LRRC4C: variants seen among roughly 807,000 people sequenced by gnomAD.
LRRC4C encodes the protein leucine-rich repeat-containing protein 4C.
LRRC4C carries 5 observed loss-of-function variants against 33.6 expected under a neutral mutation model. That is an observed-to-expected ratio of 0.15 (90% CI 0.08 to 0.31). The LOEUF is 0.31. LRRC4C is among the 10% of genes least tolerant of loss of function. The probability of loss-of-function intolerance (pLI) is 1.00; values close to 1 mark genes in which losing one functional copy is unlikely to be tolerated. For synonymous variants in LRRC4C, 329 were observed against 302.0 expected (o/e 1.09, Z -0.93); for missense variants, 560 against 796.7 (o/e 0.70, Z 3.58).
chr11:41,331,408 C>A (rs1285223638), intron 1 of LRRC4C, among the ~76,000 whole-genome samples: 4 of 152,100 alleles, frequency 2.6e-5, no homozygotes, highest in African/African-American at 9.7e-5. Context: ...ACAAAGAAAC[C>A]TAACCAATAC....
chr11:41,332,286 A>G (rs1320844744), intron 1 of LRRC4C, among the ~76,000 whole-genome samples: 1 of 152,266 alleles, frequency 6.6e-6, no homozygotes, highest in Admixed American at 6.5e-5. Context: ...AGCACAAACT[A>G]GAGTTCATGT....
chr11:40,579,033 G>A lies in LRRC4C; in HGVS notation c.-270+69109C>T, dbSNP rs550247977. ...GACTTTGTTAAGCCAGAATGAATCA[G>A]GTAATAGAAAGTACAATAAGTCGGC... On this transcript the variant is annotated intron_variant, in intron 3 of 6. Transcript: ENST00000528697. Among the ~76,000 whole-genome samples, 128 of 152,284 alleles carry A rather than the reference G, an allele frequency of 8.4e-4. 4 individuals carry two copies. The South Asian group carries it at 0.025, about 30-fold the overall frequency.
chr11:41,445,865 CATGTGTGTGTGT>C (rs1221657943), intron 1 of LRRC4C, among the ~76,000 whole-genome samples: 2 of 135,450 alleles, frequency 1.5e-5, no homozygotes, highest in African/African-American at 5.5e-5. Flanking sequence ...TGAGTGACTG[CATGTGTGTGTGT>C]GTGTGTGTGT....
At chr11:41,169,326 A>T (rs966017) in intron 1 of LRRC4C, among the ~76,000 whole-genome samples, 1 of 152,110 alleles carries the variant, frequency 6.6e-6, no homozygotes, top group East Asian at 1.9e-4. Flanking sequence ...TTTCTTCAAA[A>T]AATATTTCAT....
chr11:40,421,317 T>A (rs1243278902), intron 3 of LRRC4C, among the ~76,000 whole-genome samples: 1 of 152,226 alleles, frequency 6.6e-6, no homozygotes, highest in African/African-American at 2.4e-5. Flanking sequence ...AGGGAACGTT[T>A]TGCCTTTGGG....
intron 1 of LRRC4C, among the ~76,000 whole-genome samples, chr11:41,154,723 A>G (rs1464103857): frequency 6.6e-6 from 1 of 152,192 alleles, no homozygotes; most frequent in Non-Finnish European, 1.5e-5. Flanking sequence ...GACAGCCATT[A>G]TCATCCTAAG....
intron 4 of LRRC4C, among the ~76,000 whole-genome samples, chr11:40,310,531 T>C (rs1018905275): frequency 2.6e-5 from 4 of 152,124 alleles, no homozygotes; most frequent in African/African-American, 7.2e-5. Flanking sequence ...AATCGGCACA[T>C]GCATGATTTG....
intron 3 of LRRC4C, among the ~76,000 whole-genome samples, chr11:40,338,595 G>A (rs1946733077): frequency 6.6e-6 from 1 of 152,090 alleles, no homozygotes; most frequent in Admixed American, 6.6e-5. Context: ...TGAATATGAG[G>A]TCTATCTTGT....
intron 6 of LRRC4C, among the ~76,000 whole-genome samples, chr11:40,122,978 CACACACACAT>C (rs1402470582): frequency 2.9e-4 from 41 of 142,452 alleles, no homozygotes; most frequent in East Asian, 1.8e-3. Context: ...CACACACACA[CACACACACAT>C]ATATACTATT....
At position 40,419,741 on chromosome 11, in the gene LRRC4C, A is replaced by G. The variant is rs151097104; in HGVS notation, c.-269-100020T>C. Reference sequence around the variant, plus strand: ...GGAATAAATGGTTAAAAAAATTGATAGGCTCCACCAAAAGGCTGTACCTAA... The same window carrying G: ...GGAATAAATGGTTAAAAAAATTGATGGGCTCCACCAAAAGGCTGTACCTAA... On this transcript the variant is annotated intron_variant, in intron 3 of 6. Coordinates refer to ENST00000528697, the MANE Select transcript of LRRC4C (RefSeq NM_001258419.2). 9.8e-5 allele frequency among the ~76,000 whole-genome samples: 15 copies of G among 152,302 alleles called. No homozygotes were observed. The East Asian group carries it at 2.9e-3, about 29-fold the overall frequency.
intron 1 of LRRC4C, among the ~76,000 whole-genome samples, chr11:41,051,827 G>A (rs1858252396): frequency 1.3e-5 from 2 of 151,906 alleles, no homozygotes; most frequent in African/African-American, 2.4e-5. Context: ...TTCATCTTAG[G>A]CCAATAGCAC....
chr11:40,510,627 C>T (rs1030018912), intron 3 of LRRC4C, among the ~76,000 whole-genome samples: 8 of 152,050 alleles, frequency 5.3e-5, no homozygotes, highest in Non-Finnish European at 8.8e-5. Context: ...TGCCTCTATC[C>T]GCAGCAAAAT....
At chr11:40,638,253 T>A (rs1293296859) in intron 3 of LRRC4C, among the ~76,000 whole-genome samples, 2 of 152,314 alleles carry the variant, frequency 1.3e-5, no homozygotes, top group South Asian at 4.1e-4. Context: ...GGGTTGATAT[T>A]TATATTTGTG....
chr11:41,154,430 G>T (rs562391635), intron 1 of LRRC4C, among the ~76,000 whole-genome samples: 1 of 151,682 alleles, frequency 6.6e-6, no homozygotes, highest in South Asian at 2.1e-4. Flanking sequence ...CATTGCTTAC[G>T]GAAAAGACCA....
chr11:41,344,548 T>A lies in LRRC4C; in HGVS notation c.-496+114883A>T, dbSNP rs534605163. 2.6e-5 allele frequency among the ~76,000 whole-genome samples: 4 copies of A among 151,416 alleles called. No homozygotes were observed. The South Asian group carries it at 8.4e-4, about 32-fold the overall frequency. On this transcript the variant is annotated intron_variant, in intron 1 of 6. Transcript: ENST00000528697. Reference sequence around the variant, plus strand: ...GCCTTTCTATCTTAACTCATCAATGTGTTTCCATTATTTTCCATTTTTATA... The same window carrying A: ...GCCTTTCTATCTTAACTCATCAATGAGTTTCCATTATTTTCCATTTTTATA...
At chr11:40,671,646 A>AGTGTGTGTGT (rs145275244) in intron 2 of LRRC4C, among the ~76,000 whole-genome samples, 6,444 of 140,466 alleles carry the variant, frequency 0.046, 219 homozygotes, top group Non-Finnish European at 0.062. Context: ...GTCCTTATTC[A>AGTGTGTGTGT]GTGTGTGTGT....
rs578136785 is a variant in LRRC4C at position 41,337,247 on chromosome 11, T to C, written c.-496+122184A>G. ...AAAATTAAGAGATAGGATCTTGCTA[T>C]GTTGTCCAGGCTGGTCTTGAACTCC... On this transcript the variant is annotated intron_variant, in intron 1 of 6. Coordinates refer to ENST00000528697, the MANE Select transcript of LRRC4C (RefSeq NM_001258419.2). Among the ~76,000 whole-genome samples, 12 of 152,248 alleles carry C rather than the reference T, an allele frequency of 7.9e-5. 1 individual carries two copies. The South Asian group carries it at 2.5e-3, about 32-fold the overall frequency.
intron 1 of LRRC4C, among the ~76,000 whole-genome samples, chr11:41,213,984 T>C (rs750237293): frequency 6.6e-6 from 1 of 152,224 alleles, no homozygotes; most frequent in Non-Finnish European, 1.5e-5. Flanking sequence ...TCCTTTAAAG[T>C]ACTAAATCTT....
intron 1 of LRRC4C, among the ~76,000 whole-genome samples, chr11:41,368,868 C>T (rs1274007865): frequency 6.6e-6 from 1 of 152,178 alleles, no homozygotes; most frequent in African/African-American, 2.4e-5. Flanking sequence ...TCCTAAATAT[C>T]CATTGTAAGA....
Sources: gnomAD v4.1 joint callset for allele counts (sites outside exome capture counted in the v4.1 genomes callset) on GRCh38, gnomAD v4.1.1 for gene constraint, MANE v1.5 for transcripts, NCBI Gene and HGNC (gene_info 2026-07-23, HGNC 2026-07-21) for gene names.